Variants in ARHGAP35 observed in about 807,000 individuals in gnomAD.
ARHGAP35 encodes rho GTPase-activating protein 35.
Under a neutral mutation model 111.1 loss-of-function variants are expected in ARHGAP35, and 15 were observed. That is an observed-to-expected ratio of 0.13 (90% CI 0.09 to 0.21). ARHGAP35 has a LOEUF of 0.21. Among genes scored for constraint, ARHGAP35 ranks in the 10% least tolerant of loss-of-function variants. The probability of loss-of-function intolerance (pLI) is 1.00; values close to 1 mark genes in which losing one functional copy is unlikely to be tolerated. For missense variants in ARHGAP35, 1,262 were observed against 1,873.0 expected (o/e 0.67, Z 6.02); for synonymous variants, 643 against 710.3 (o/e 0.91, Z 1.51).
At position 46,922,131 on chromosome 19, in the gene ARHGAP35, G is replaced by C; in HGVS notation, c.3456G>C (p.Val1152=). The C allele has an allele frequency of 6.2e-7, 1 of 1,614,030 alleles. No homozygotes were observed. Among genetic ancestry groups the C allele is most frequent in the Non-Finnish European group, 8.5e-7 (1 of 1,179,898 alleles). Reference sequence around the variant, plus strand: ...AGCGAGGGCGCAAGGTTTCCATCGTGAGCAAGCCAGTGCTGTACAGGACGA... The same window carrying C: ...AGCGAGGGCGCAAGGTTTCCATCGTCAGCAAGCCAGTGCTGTACAGGACGA... ...SLERGRKVSI[V]SKPVLYRTRC... is the part of the protein sequence containing the mutation. Residue 1152 remains valine (V), a synonymous_variant, in exon 2 of 7, where the codon GTG becomes GTC. Transcript: ENST00000672722. The surrounding 1 kb of genome is among the most constrained non-coding windows in gnomAD (Gnocchi z 4.0).
At chr19:46,915,929 CTTT>C (rs869240851) in intron 1 of ARHGAP35, among the ~76,000 whole-genome samples, 9 of 113,562 alleles carry the variant, frequency 7.9e-5, no homozygotes, top group African/African-American at 2.3e-4. Context: ...AATCCAAACT[CTTT>C]TTTTTTTTTT....
chr19:46,997,574 A>G (rs1403196175), intron 5 of ARHGAP35: 3 of 152,218 alleles, frequency 2.0e-5, no homozygotes, highest in Non-Finnish European at 4.4e-5. Flanking sequence ...TCACTTGCCC[A>G]AGGTGACACG....
chr19:46,917,636 T>C, intron 1 of ARHGAP35, among the ~76,000 whole-genome samples: 1 of 152,254 alleles, frequency 6.6e-6, no homozygotes, highest in East Asian at 1.9e-4. Context: ...AAAGGTTGAA[T>C]AATATTATAT....
At position 46,918,573 on chromosome 19, in the gene ARHGAP35, G is replaced by A; in HGVS notation, c.-103G>A. 8.4e-7 allele frequency: 1 copy of A among 1,193,684 alleles called. No homozygotes were observed. Among genetic ancestry groups the A allele is most frequent in the Non-Finnish European group, 1.2e-6 (1 of 836,046 alleles). 73.9% of individuals were successfully genotyped at this position (1,193,684 alleles called of 1,614,324 possible). A position where few individuals can be genotyped will look rare whatever the true frequency, so the allele number is the denominator to read the frequency against. On this transcript the variant is annotated 5_prime_UTR_variant, in exon 2 of 7. Coordinates refer to ENST00000672722, the MANE Select transcript of ARHGAP35 (RefSeq NM_004491.5). The surrounding 1 kb of genome is among the most constrained non-coding windows in gnomAD (Gnocchi z 5.4). ...CACTATGGGACCTGGCATTTTTGCT[G>A]CATGTCCAGCCCACCCCCACTAATA...
intron 1 of ARHGAP35, among the ~76,000 whole-genome samples, chr19:46,903,335 GGTGATGTAC>G (rs376662202): frequency 2.7e-4 from 41 of 152,238 alleles, no homozygotes; most frequent in African/African-American, 9.9e-4. Flanking sequence ...TTTTTATAAT[GGTGATGTAC>G]GTTGTTGTGC....
At position 46,986,663 on chromosome 19, in the gene ARHGAP35, A is replaced by G. The variant is rs2056651772; in HGVS notation, c.3827-1326A>G. 6.6e-6 allele frequency among the ~76,000 whole-genome samples: 1 copy of G among 152,256 alleles called. No individual in the cohort carries two copies. Among genetic ancestry groups the G allele is most frequent in the African/African-American group, 2.4e-5 (1 of 41,472 alleles). On this transcript the variant is annotated intron_variant, in intron 3 of 6. Transcript: ENST00000672722. This position sits in a 1 kb window ranked among gnomAD's most constrained non-coding sequence, Gnocchi z 4.3. ...AAATGTAAACATATATAACGTTGAT[A>G]TAATTACTTAATATTCATAGACTTT...
At chr19:46,955,973 C>T (rs902507481) in intron 3 of ARHGAP35, among the ~76,000 whole-genome samples, 2 of 152,158 alleles carry the variant, frequency 1.3e-5, no homozygotes, top group Non-Finnish European at 2.9e-5. Flanking sequence ...CATTTTTCAG[C>T]ACCAACATGA....
Position 46,999,664 on chromosome 19 carries a change from G to C in ARHGAP35, c.4142+255G>C, listed in dbSNP as rs538434523. ...CCTCAAACCTGCCTAACACCAGATA[G>C]GGCACTTAGCTCCAGCGGGCATGGG... is the stretch of plus-strand genomic sequence containing the variant. On this transcript the variant is annotated intron_variant, in intron 6 of 6. Coordinates refer to ENST00000672722, the MANE Select transcript of ARHGAP35 (RefSeq NM_004491.5). This position sits in a 1 kb window ranked among gnomAD's most constrained non-coding sequence, Gnocchi z 5.4. The C allele has an allele frequency of 3.3e-5, 16 of 489,450 alleles. No individual in the cohort carries two copies. In the East Asian group the frequency reaches 4.8e-4, roughly 15 times the overall value. 30.3% of individuals were successfully genotyped at this position (489,450 alleles called of 1,614,324 possible).
chr19:46,868,892 GA>G (rs2055872823), intron 1 of ARHGAP35, among the ~76,000 whole-genome samples: 2 of 97,430 alleles, frequency 2.1e-5, no homozygotes, highest in Non-Finnish European at 4.1e-5. Context: ...AGCTCACCGT[GA>G]TTTTTTTTTT....
chr19:46,963,175 C>T (rs1362530304), intron 3 of ARHGAP35, among the ~76,000 whole-genome samples: 2 of 152,116 alleles, frequency 1.3e-5, no homozygotes, highest in Non-Finnish European at 2.9e-5. Context: ...GATTCCTTTA[C>T]TTTTCTGTGG....
At chr19:46,934,333 A>G (rs1011783945) in intron 2 of ARHGAP35, among the ~76,000 whole-genome samples, 3 of 152,166 alleles carry the variant, frequency 2.0e-5, no homozygotes, top group African/African-American at 7.2e-5. Flanking sequence ...GGTTGCAACA[A>G]TGTGTGAAAC....
At chr19:46,915,270 G>A (rs1366762237) in intron 1 of ARHGAP35, among the ~76,000 whole-genome samples, 2 of 152,226 alleles carry the variant, frequency 1.3e-5, no homozygotes, top group South Asian at 2.1e-4. Context: ...TTTCTTTCCC[G>A]TGGATACCTT....
At chr19:46,961,802 C>T (rs1007289688) in intron 3 of ARHGAP35, among the ~76,000 whole-genome samples, 2 of 152,162 alleles carry the variant, frequency 1.3e-5, no homozygotes, top group South Asian at 4.2e-4. Context: ...TGGTGGCGCA[C>T]ACCTGTAGTC....
chr19:47,001,526 AC>A lies in ARHGAP35; in HGVS notation c.*840del. The A allele has an allele frequency of 1.4e-6, 1 of 723,532 alleles. No homozygotes were observed. Among genetic ancestry groups the A allele is most frequent in the Non-Finnish European group, 2.0e-6 (1 of 501,208 alleles). 44.8% of individuals were successfully genotyped at this position (723,532 alleles called of 1,614,324 possible). A position where few individuals can be genotyped will look rare whatever the true frequency, so the allele number is the denominator to read the frequency against. On this transcript the variant is annotated 3_prime_UTR_variant, in exon 7 of 7. Transcript: ENST00000672722. The surrounding 1 kb of genome is among the most constrained non-coding windows in gnomAD (Gnocchi z 5.4). ...TGACCCTCGTCTTTGTGGCAGCAAA[AC>A]CAGGATGCCTGGAGCTGTGGCCTGA...
At chr19:46,884,981 G>T (rs890202159) in intron 1 of ARHGAP35, among the ~76,000 whole-genome samples, 1 of 152,132 alleles carries the variant, frequency 6.6e-6, no homozygotes, top group Non-Finnish European at 1.5e-5. Context: ...ACCTCCCAAC[G>T]TGTTGGGATT....
At chr19:46,934,466 C>A (rs922953246) in intron 2 of ARHGAP35, among the ~76,000 whole-genome samples, 4 of 152,140 alleles carry the variant, frequency 2.6e-5, no homozygotes, top group African/African-American at 9.7e-5. Context: ...CTCCTGGGTT[C>A]AAGTGATTCT....
intron 3 of ARHGAP35, among the ~76,000 whole-genome samples, chr19:46,961,093 C>T (rs1163621443): frequency 1.3e-5 from 2 of 152,100 alleles, no homozygotes; most frequent in Non-Finnish European, 2.9e-5. Flanking sequence ...TGGGGTTTCA[C>T]CATGTTGGCC....
chr19:46,875,234 G>C (rs1469491451), intron 1 of ARHGAP35, among the ~76,000 whole-genome samples: 1 of 152,092 alleles, frequency 6.6e-6, no homozygotes, highest in Non-Finnish European at 1.5e-5. Flanking sequence ...CATTCTTTCT[G>C]TTGTCGGGGA....
chr19:46,862,527 C>G (rs1225551180), intron 1 of ARHGAP35, among the ~76,000 whole-genome samples: 1 of 152,240 alleles, frequency 6.6e-6, no homozygotes, highest in East Asian at 1.9e-4. Flanking sequence ...CATCCCCTTC[C>G]TGTTCTGCAT....
Sources: allele counts gnomAD v4.1 joint callset (sites outside exome capture counted in the v4.1 genomes callset), GRCh38; gene constraint gnomAD v4.1.1; non-coding constraint Gnocchi (gnomAD v3.1); transcripts MANE v1.5; gene names NCBI Gene and HGNC (gene_info 2026-07-23, HGNC 2026-07-21).